Variants in TRIM71 observed in about 807,000 individuals in gnomAD.
TRIM71 encodes tripartite motif containing 71.
A neutral mutation model predicts 61.2 loss-of-function variants in TRIM71; 9 were observed. The observed-to-expected ratio is 0.15, with a 90% CI of 0.09 to 0.26. The LOEUF (loss-of-function observed/expected upper bound fraction) is 0.26, where lower values mean the gene tolerates loss of function less well. Ranked by LOEUF, TRIM71 falls within the 10% of genes least tolerant of loss-of-function variation. TRIM71 has a pLI of 1.00. For missense variants in TRIM71, 998 were observed against 1,238.7 expected (o/e 0.81, Z 2.92); for synonymous variants, 645 against 553.2 (o/e 1.17, Z -2.33).
At chr3:32,832,338 G>A (rs979821958) in intron 1 of TRIM71, among the ~76,000 whole-genome samples, 1 of 152,162 alleles carries the variant, frequency 6.6e-6, no homozygotes, top group Non-Finnish European at 1.5e-5. Flanking sequence ...TGCCCCTGTA[G>A]TCCCAGCTAC....
chr3:32,839,888 AGGAGCT>A (rs1696384903), intron 1 of TRIM71, among the ~76,000 whole-genome samples: 1 of 152,122 alleles, frequency 6.6e-6, no homozygotes, highest in African/African-American at 2.4e-5. Context: ...AGTGCTTTTG[AGGAGCT>A]GGGTGTTTGA....
intron 1 of TRIM71, among the ~76,000 whole-genome samples, chr3:32,869,465 A>C (rs1696773617): frequency 6.6e-6 from 1 of 152,172 alleles, no homozygotes; most frequent in African/African-American, 2.4e-5. Flanking sequence ...ATTCTTTCAG[A>C]TGTCCCTTGG....
At chr3:32,869,573 G>T (rs769530195) in intron 1 of TRIM71, among the ~76,000 whole-genome samples, 1 of 152,218 alleles carries the variant, frequency 6.6e-6, no homozygotes, top group Non-Finnish European at 1.5e-5. Context: ...GTGCACACAC[G>T]TTCATTAACA....
intron 1 of TRIM71, among the ~76,000 whole-genome samples, chr3:32,841,393 C>T (rs933198536): frequency 6.6e-6 from 1 of 152,008 alleles, no homozygotes; most frequent in East Asian, 1.9e-4. Flanking sequence ...TACTAGGTAT[C>T]TTTACCTAGT....
At chr3:32,846,165 T>G (rs1696472129) in intron 1 of TRIM71, among the ~76,000 whole-genome samples, 1 of 146,320 alleles carries the variant, frequency 6.8e-6, no homozygotes, top group African/African-American at 2.5e-5. Context: ...AAGCTCCGCC[T>G]CCCGGGTTCA....
intron 1 of TRIM71, among the ~76,000 whole-genome samples, chr3:32,853,307 T>TG (rs1696560243): frequency 6.6e-6 from 1 of 151,988 alleles, no homozygotes; most frequent in Non-Finnish European, 1.5e-5. Context: ...TTAGTTGAGA[T>TG]GGGGTTTCAC....
At chr3:32,829,648 G>GTGTGTGTGTT (rs1335004956) in intron 1 of TRIM71, among the ~76,000 whole-genome samples, 1 of 151,690 alleles carries the variant, frequency 6.6e-6, no homozygotes, top group African/African-American at 2.4e-5. Flanking sequence ...GTGTGTGTGT[G>GTGTGTGTGTT]TGTTTGTGTG....
intron 1 of TRIM71, among the ~76,000 whole-genome samples, chr3:32,822,380 A>C (rs972751281): frequency 8.5e-5 from 13 of 152,138 alleles, no homozygotes; most frequent in Non-Finnish European, 1.5e-4. Context: ...ATGCCTCCTG[A>C]AGAGAAAAGT....
At chr3:32,837,044 AC>A (rs1696342293) in intron 1 of TRIM71, among the ~76,000 whole-genome samples, 1 of 152,202 alleles carries the variant, frequency 6.6e-6, no homozygotes, top group African/African-American at 2.4e-5. Context: ...TTTTTAAATT[AC>A]AAAAGAAATA....
chr3:32,881,888 A>G (rs1696912008), intron 2 of TRIM71, among the ~76,000 whole-genome samples: 1 of 152,184 alleles, frequency 6.6e-6, no homozygotes, highest in South Asian at 2.1e-4. Context: ...TCCACTATGC[A>G]TTGGGTAGGG....
At chr3:32,827,442 A>G (rs1052317030) in intron 1 of TRIM71, among the ~76,000 whole-genome samples, 3 of 151,666 alleles carry the variant, frequency 2.0e-5, no homozygotes, top group Admixed American at 1.3e-4. Flanking sequence ...TTGTATTTTT[A>G]GTAGAGATGG....
chr3:32,834,034 T>C (rs190639684), intron 1 of TRIM71, among the ~76,000 whole-genome samples: 7 of 152,342 alleles, frequency 4.6e-5, no homozygotes, highest in Admixed American at 1.3e-4. Context: ...TCCAATTTAA[T>C]TTAATTTTTA....
chr3:32,826,033 A>G (rs1696197196), intron 1 of TRIM71, among the ~76,000 whole-genome samples: 1 of 152,138 alleles, frequency 6.6e-6, no homozygotes, highest in East Asian at 1.9e-4. Flanking sequence ...TTTGACTTAA[A>G]CGATATTCCA....
chr3:32,842,863 C>T (rs1696424854), intron 1 of TRIM71, among the ~76,000 whole-genome samples: 1 of 152,156 alleles, frequency 6.6e-6, no homozygotes, highest in South Asian at 2.1e-4. Flanking sequence ...ACTTCCTTCC[C>T]TGGGAGTTTT....
intron 1 of TRIM71, among the ~76,000 whole-genome samples, chr3:32,825,672 A>G (rs1241230901): frequency 6.6e-6 from 1 of 152,194 alleles, no homozygotes; most frequent in Non-Finnish European, 1.5e-5. Flanking sequence ...TGTTTTTGCT[A>G]TCTCTGACAT....
At chr3:32,888,105 T>C (rs150363156) in intron 3 of TRIM71, among the ~76,000 whole-genome samples, 18 of 152,270 alleles carry the variant, frequency 1.2e-4, no homozygotes, top group South Asian at 4.1e-4. Flanking sequence ...TATTTCTAAA[T>C]AGCATGGTTT....
chr3:32,862,479 C>T (rs1048752096), intron 1 of TRIM71, among the ~76,000 whole-genome samples: 1 of 152,190 alleles, frequency 6.6e-6, no homozygotes, highest in African/African-American at 2.4e-5. Context: ...TTCAGGTGTA[C>T]ACTGTTGCCC....
intron 2 of TRIM71, among the ~76,000 whole-genome samples, chr3:32,880,368 T>C (rs2125690713): frequency 6.6e-6 from 1 of 152,342 alleles, no homozygotes; most frequent in East Asian, 1.9e-4. Context: ...GTGATTGTTG[T>C]AACCATCTAA....
At position 32,891,933 on chromosome 3, in the gene TRIM71, TTC is replaced by T; in HGVS notation, c.*124_*125del. On this transcript the variant is annotated 3_prime_UTR_variant, in exon 4 of 4. Coordinates refer to ENST00000383763, the MANE Select transcript of TRIM71 (RefSeq NM_001039111.3). The surrounding 1 kb of genome is among the most constrained non-coding windows in gnomAD (Gnocchi z 8.2). ...AAACAGTCTCAGGGAAATTTCTTTT[TTC>T]TTTTTTTTTTTTAAAGAGAACAAGA... The T allele has an allele frequency of 8.6e-6, 12 of 1,396,582 alleles. No individual in the cohort carries two copies. The highest frequency in any genetic ancestry group is 1.1e-5 in the Non-Finnish European group (12 of 1,065,274). 86.5% of individuals were successfully genotyped at this position (1,396,582 alleles called of 1,614,324 possible).
Sources: gnomAD v4.1 joint callset for allele counts (sites outside exome capture counted in the v4.1 genomes callset) on GRCh38, gnomAD v4.1.1 for gene constraint, Gnocchi (gnomAD v3.1) non-coding constraint, MANE v1.5 for transcripts, NCBI Gene and HGNC (gene_info 2026-07-23, HGNC 2026-07-21) for gene names.